LIPC: variants seen among roughly 807,000 people sequenced by gnomAD.
LIPC encodes lipase C, hepatic type, also known as hepatic triacylglycerol lipase.
A neutral mutation model predicts 50.7 loss-of-function variants in LIPC; 44 were observed. The ratio of observed to expected loss-of-function variants is 0.87; its 90% CI spans 0.68 to 1.11. LIPC has a LOEUF of 1.11. LIPC is among the 50% of genes most tolerant of loss of function. The pLI, the probability that LIPC is intolerant of heterozygous loss-of-function variation, is 0.00. For synonymous variants in LIPC, 271 were observed against 256.4 expected (o/e 1.06, Z -0.54); for missense variants, 697 against 648.2 (o/e 1.08, Z -0.82).
At position 58,567,325 on chromosome 15, in the gene LIPC, A is replaced by G. The variant is rs867209854; in HGVS notation, c.1389-1391A>G. 9.7e-3 allele frequency among the ~76,000 whole-genome samples: 180 copies of G among 18,646 alleles called. 2 individuals carry two copies. Among genetic ancestry groups the G allele is most frequent in the African/African-American group, 0.037 (169 of 4,602 alleles). 12.2% of individuals were successfully genotyped at this position (18,646 alleles called of 152,430 possible). The stretch of plus-strand genomic sequence containing the variant: ...TATATACATATATATGTATATGTGT[A>G]TATATATATATATGTATATGTATAT... On this transcript the variant is annotated intron_variant, in intron 8 of 8. Transcript: ENST00000299022.
At chr15:58,488,303 G>C (rs1294683110) in intron 1 of LIPC, among the ~76,000 whole-genome samples, 2 of 152,164 alleles carry the variant, frequency 1.3e-5, no homozygotes, top group African/African-American at 4.8e-5. Context: ...CTCAATTCCT[G>C]AGACTCCTTC....
chr15:58,486,163 C>G (rs1205503269), intron 1 of LIPC, among the ~76,000 whole-genome samples: 1 of 152,208 alleles, frequency 6.6e-6, no homozygotes, highest in East Asian at 1.9e-4. Flanking sequence ...GTGCCACTCT[C>G]TCATGTCACT....
chr15:58,467,278 C>G (rs1894602910), intron 1 of LIPC, among the ~76,000 whole-genome samples: 1 of 152,138 alleles, frequency 6.6e-6, no homozygotes, highest in Non-Finnish European at 1.5e-5. Flanking sequence ...TCACAGCGGC[C>G]AAAACGTGCA....
At chr15:58,467,729 T>C (rs143201695) in intron 1 of LIPC, among the ~76,000 whole-genome samples, 295 of 152,368 alleles carry the variant, frequency 1.9e-3, no homozygotes, top group African/African-American at 6.8e-3. Context: ...CTTCCCACTC[T>C]GCTCATATCT....
intron 5 of LIPC, among the ~76,000 whole-genome samples, chr15:58,547,527 T>C (rs1400741493): frequency 6.6e-6 from 1 of 152,116 alleles, no homozygotes; most frequent in Non-Finnish European, 1.5e-5. Flanking sequence ...TTTGGCAAAG[T>C]CACCTGTGCT....
chr15:58,437,518 T>G (rs1893345461), intron 1 of LIPC, among the ~76,000 whole-genome samples: 1 of 152,116 alleles, frequency 6.6e-6, no homozygotes, highest in African/African-American at 2.4e-5. Context: ...TTTGGAGGAT[T>G]TAAGTACTTA....
In LIPC at chr15:58,545,623, C is replaced by G. The variant is rs35200495; in HGVS notation, c.575-119C>G. ...GAGGTTTTCTAGGGAAGGATCAGCC[C>G]TACGTGTTTCTTCTTCCTGCTAGTT... On this transcript the variant is annotated intron_variant, in intron 4 of 8. Transcript: ENST00000299022. 196 of 835,734 alleles carry G rather than the reference C, an allele frequency of 2.3e-4. 1 individual carries two copies. The African/African-American group carries it at 3.0e-3, about 13-fold the overall frequency. 51.8% of individuals were successfully genotyped at this position (835,734 alleles called of 1,614,324 possible).
At chr15:58,453,971 G>A (rs1350166262) in intron 1 of LIPC, among the ~76,000 whole-genome samples, 1 of 152,148 alleles carries the variant, frequency 6.6e-6, no homozygotes, top group Non-Finnish European at 1.5e-5. Flanking sequence ...TTTGCTATTT[G>A]CAATGCGTCT....
At chr15:58,478,284 G>A (rs942371363) in intron 1 of LIPC, among the ~76,000 whole-genome samples, 8 of 152,126 alleles carry the variant, frequency 5.3e-5, no homozygotes, top group Non-Finnish European at 1.0e-4. Context: ...CATCACCCAG[G>A]CTGGAATGCA....
Position 58,489,219 on chromosome 15 carries a change from G to GTGT in LIPC, c.89-49114_89-49113insTGT, listed in dbSNP as rs1555400832. 2.8e-3 allele frequency among the ~76,000 whole-genome samples: 182 copies of GTGT among 66,164 alleles called. 45 individuals are homozygous for GTGT. The highest frequency in any genetic ancestry group is 4.0e-3 in the Non-Finnish European group (132 of 32,884). The allele number at this position is 66,164 out of a possible 152,430, so 43.4% of individuals were successfully genotyped here. On this transcript the variant is annotated intron_variant, in intron 1 of 8. Transcript: ENST00000299022. ...ACCATTAGGGATTCATTTTGTTGCGGGGGCGGGGGGGCGGCTTACAAGCTT... is the reference window on the plus strand; with the variant it reads ...ACCATTAGGGATTCATTTTGTTGCGGTGTGGGCGGGGGGGCGGCTTACAAGCTT...
chr15:58,444,668 C>T (rs1566908792), intron 1 of LIPC, among the ~76,000 whole-genome samples: 1 of 152,152 alleles, frequency 6.6e-6, no homozygotes, highest in Non-Finnish European at 1.5e-5. Context: ...AGACCCCAGT[C>T]ATATTGGATT....
chr15:58,464,529 A>G (rs770490634), intron 1 of LIPC, among the ~76,000 whole-genome samples: 2 of 152,246 alleles, frequency 1.3e-5, no homozygotes, highest in African/African-American at 2.4e-5. Flanking sequence ...TCCATTCTTT[A>G]GTTGCTATTC....
At chr15:58,482,398 G>A (rs915108846) in intron 1 of LIPC, among the ~76,000 whole-genome samples, 2 of 147,126 alleles carry the variant, frequency 1.4e-5, no homozygotes, top group Admixed American at 1.4e-4. Context: ...ACACAGGGTT[G>A]TCTACGTGTA....
chr15:58,530,740 C>T (rs1204206780), intron 1 of LIPC, among the ~76,000 whole-genome samples: 1 of 152,180 alleles, frequency 6.6e-6, no homozygotes, highest in African/African-American at 2.4e-5. Context: ...TCCAGAACGT[C>T]CTGTAAATGG....
intron 1 of LIPC, chr15:58,434,910 T>A (rs1448103002): frequency 6.6e-6 from 1 of 152,184 alleles, no homozygotes; most frequent in Non-Finnish European, 1.5e-5. Flanking sequence ...CAGTCCCTCA[T>A]GAGTGTCACA....
intron 1 of LIPC, among the ~76,000 whole-genome samples, chr15:58,527,494 C>A (rs761907525): frequency 2.0e-5 from 3 of 152,192 alleles, no homozygotes; most frequent in Non-Finnish European, 4.4e-5. Context: ...CAGGGCCAGC[C>A]TTTGATTAAA....
chr15:58,470,336 G>C (rs1181309887), intron 1 of LIPC, among the ~76,000 whole-genome samples: 1 of 151,866 alleles, frequency 6.6e-6, no homozygotes, highest in Non-Finnish European at 1.5e-5. Flanking sequence ...TTTTTTATTA[G>C]GTATTATAGT....
At chr15:58,557,448 G>T (rs529784089) in intron 6 of LIPC, among the ~76,000 whole-genome samples, 2 of 138,048 alleles carry the variant, frequency 1.4e-5, no homozygotes, top group South Asian at 4.5e-4. Context: ...GCAGTGGCGC[G>T]ATCTCAGCTC....
intron 1 of LIPC, chr15:58,432,448 T>A (rs1893155679): frequency 2.8e-6 from 1 of 351,118 alleles, no homozygotes; most frequent in South Asian, 2.9e-5. Flanking sequence ...TTCCTGAGAG[T>A]TAATGTGGCA....
Sources: gnomAD v4.1 joint callset for allele counts (sites outside exome capture counted in the v4.1 genomes callset) on GRCh38, gnomAD v4.1.1 for gene constraint, MANE v1.5 for transcripts, NCBI Gene and HGNC (gene_info 2026-07-23, HGNC 2026-07-21) for gene names.